The following TBC1D31 variants were observed in gnomAD, a reference collection of about 807,000 sequenced individuals.
TBC1D31 encodes the protein WD repeat domain 67.
TBC1D31 carries 99 observed loss-of-function variants against 132.9 expected under a neutral mutation model. The ratio of observed to expected loss-of-function variants is 0.74; its 90% CI spans 0.63 to 0.88. The LOEUF is 0.88. TBC1D31 is among the 40% of genes least tolerant of loss of function. The pLI, the probability that TBC1D31 is intolerant of heterozygous loss-of-function variation, is 0.00. For missense variants in TBC1D31, 1,134 were observed against 1,256.6 expected (o/e 0.90, Z 1.48); for synonymous variants, 385 against 419.4 (o/e 0.92, Z 1.00).
the TBC1D31 span, among the ~76,000 whole-genome samples, chr8:123,158,442 T>TGTGTG: frequency 2.0e-5 from 3 of 150,474 alleles, no homozygotes; most frequent in Admixed American, 2.0e-4. Flanking sequence ...CTGGGGAGAG[T>TGTGTG]GTGTGGACGC....
intron 4 of TBC1D31, among the ~76,000 whole-genome samples, chr8:123,091,394 T>C (rs1056102431): frequency 2.0e-5 from 3 of 152,242 alleles, no homozygotes; most frequent in African/African-American, 7.2e-5. Context: ...AATAATTTTC[T>C]TAAGTCACTT....
Position 123,082,794 on chromosome 8 carries a change from A to T in TBC1D31, c.317A>T (p.Tyr106Phe). The T allele has an allele frequency of 6.2e-7, 1 of 1,611,742 alleles. No individual in the cohort carries two copies. Among genetic ancestry groups the T allele is most frequent in the Non-Finnish European group, 8.5e-7 (1 of 1,178,602 alleles). Residue 106 changes from tyrosine (Y) to phenylalanine (F), a missense_variant, in exon 3 of 22, where the codon TAT becomes TTT. Tyr to Phe is a conservative substitution (Grantham distance 22). Coordinates refer to ENST00000287380, the MANE Select transcript of TBC1D31 (RefSeq NM_145647.4). ...GAATTCCTTGTGGCATTAGCTGATTATTCTATTAAATGTTTTGATACAGGT... is the reference window on the plus strand; with the variant it reads ...GAATTCCTTGTGGCATTAGCTGATTTTTCTATTAAATGTTTTGATACAGGT... The part of the protein sequence containing the change: ...KSEFLVALAD[Y>F]SIKCFDTVTK...
chr8:123,073,930 C>T (rs922491784), intron 1 of TBC1D31, among the ~76,000 whole-genome samples: 2 of 152,132 alleles, frequency 1.3e-5, no homozygotes, highest in South Asian at 2.1e-4. Context: ...AGGTGATCCG[C>T]CTGTCTCAGT....
In TBC1D31 at chr8:123,084,403, T is replaced by A. The variant is rs540159401; in HGVS notation, c.519+63T>A. On this transcript the variant is annotated intron_variant, in intron 4 of 21. Coordinates refer to ENST00000287380, the MANE Select transcript of TBC1D31 (RefSeq NM_145647.4). Reference sequence around the variant, plus strand: ...CGGGCTAATTTCTTGGTCAACAGGATGTATAGATGATATAAGAGTAATGAT... The same window carrying A: ...CGGGCTAATTTCTTGGTCAACAGGAAGTATAGATGATATAAGAGTAATGAT... 1,282 of 1,454,194 alleles carry A rather than the reference T, an allele frequency of 8.8e-4. 2 individuals carry two copies. Among genetic ancestry groups the A allele is most frequent in the Non-Finnish European group, 1.1e-3 (1,152 of 1,049,354 alleles). 90.1% of individuals were successfully genotyped at this position (1,454,194 alleles called of 1,614,324 possible). A position where few individuals can be genotyped will look rare whatever the true frequency, so the allele number is the denominator to read the frequency against.
intron 5 of TBC1D31, among the ~76,000 whole-genome samples, chr8:123,094,589 G>C (rs71514797): frequency 0.047 from 7,048 of 151,504 alleles, 252 homozygotes; most frequent in Admixed American, 0.1. Flanking sequence ...CCCCAGGCTG[G>C]AGTGCAATGG....
intron 6 of TBC1D31, among the ~76,000 whole-genome samples, chr8:123,098,351 G>A (rs1228269569): frequency 1.3e-5 from 2 of 152,134 alleles, no homozygotes; most frequent in Non-Finnish European, 2.9e-5. Context: ...TCCCAGGCTG[G>A]AGTGCAGTGG....
rs80097545 is a variant in TBC1D31 at position 123,118,248 on chromosome 8, T to C, written c.1437-1807T>C. Among the ~76,000 whole-genome samples, 685 of 120,884 alleles carry C rather than the reference T, an allele frequency of 5.7e-3. 5 individuals carry two copies. Among genetic ancestry groups the C allele is most frequent in the African/African-American group, 0.021 (647 of 30,176 alleles). The allele number at this position is 120,884 out of a possible 152,430, so 79.3% of individuals were successfully genotyped here. On this transcript the variant is annotated intron_variant, in intron 10 of 21. Coordinates refer to ENST00000287380, the MANE Select transcript of TBC1D31 (RefSeq NM_145647.4). Reference sequence around the variant, plus strand: ...AACGGTAAAATCTGAGTAAAGTCCATAATTTAGTGAATAGCATGTGCCAGT... The same window carrying C: ...AACGGTAAAATCTGAGTAAAGTCCACAATTTAGTGAATAGCATGTGCCAGT...
At chr8:123,073,411 C>A in intron 1 of TBC1D31, 1 of 456,256 alleles carries the variant, frequency 2.2e-6, no homozygotes, top group Non-Finnish European at 4.4e-6. Flanking sequence ...TTCCGGTTCT[C>A]TGGAGTTTAC....
intron 1 of TBC1D31, among the ~76,000 whole-genome samples, chr8:123,076,345 T>C (rs1814513392): frequency 2.4e-5 from 2 of 81,788 alleles, no homozygotes; most frequent in Non-Finnish European, 6.1e-5. Flanking sequence ...TGTATGTGTG[T>C]GTGTGTGTGT....
At chr8:123,152,277 C>A (rs953577033), downstream of TBC1D31, 8 of 162,950 alleles carry the variant, frequency 4.9e-5, no homozygotes, top group Non-Finnish European at 1.1e-4. Context: ...GCTCTATAGC[C>A]TGGACTGAGG....
At chr8:123,157,301 G>A in the TBC1D31 span, among the ~76,000 whole-genome samples, 2 of 152,280 alleles carry the variant, frequency 1.3e-5, no homozygotes, top group African/African-American at 4.8e-5. Context: ...CGCTAACGAG[G>A]CACCTAGTAA....
chr8:123,146,205 C>A (rs1822196836), intron 20 of TBC1D31, among the ~76,000 whole-genome samples: 1 of 152,182 alleles, frequency 6.6e-6, no homozygotes, highest in Non-Finnish European at 1.5e-5. Flanking sequence ...TATTCAATGT[C>A]ATTATATTAT....
intron 4 of TBC1D31, among the ~76,000 whole-genome samples, chr8:123,091,957 T>TA: frequency 6.6e-6 from 1 of 152,290 alleles, no homozygotes; most frequent in African/African-American, 2.4e-5. Context: ...TTTACTCATA[T>TA]AAAAAAATGG....
intron 15 of TBC1D31, 62 bp downstream of exon 15, chr8:123,129,280 T>C: frequency 8.4e-7 from 1 of 1,189,482 alleles, no homozygotes; most frequent in Non-Finnish European, 1.1e-6. Flanking sequence ...ATTTTTATGT[T>C]CTTTCATTTT....
At chr8:123,147,018 T>C (rs1422062334) in intron 20 of TBC1D31, among the ~76,000 whole-genome samples, 1 of 152,178 alleles carries the variant, frequency 6.6e-6, no homozygotes, top group Non-Finnish European at 1.5e-5. Flanking sequence ...TGAGATTTAG[T>C]GGTCCCAAAT....
intron 11 of TBC1D31, among the ~76,000 whole-genome samples, chr8:123,125,695 T>C (rs1819962088): frequency 6.6e-6 from 1 of 152,204 alleles, no homozygotes; most frequent in African/African-American, 2.4e-5. Context: ...TAATGTTGAT[T>C]ACATTTAATG....
chr8:123,083,233 A>T (rs1207305790), intron 3 of TBC1D31: 1 of 155,412 alleles, frequency 6.4e-6, no homozygotes, highest in Non-Finnish European at 1.4e-5. Flanking sequence ...GTGGCTGGCC[A>T]TCTGCGCCAA....
At chr8:123,102,232 T>G (rs1197979646) in intron 7 of TBC1D31, 1 of 456,574 alleles carries the variant, frequency 2.2e-6, no homozygotes, top group African/African-American at 2.0e-5. Flanking sequence ...GGTCTAACCC[T>G]TTCATTTTAC....
At chr8:123,083,900 A>T (rs1258889351) in intron 3 of TBC1D31, 1 of 366,822 alleles carries the variant, frequency 2.7e-6, no homozygotes, top group Non-Finnish European at 4.9e-6. Flanking sequence ...AGAAAGCCCA[A>T]ACTCACTAGC....
Sources: allele counts gnomAD v4.1 joint callset (sites outside exome capture counted in the v4.1 genomes callset), GRCh38; gene constraint gnomAD v4.1.1; transcripts MANE v1.5; gene names NCBI Gene and HGNC (gene_info 2026-07-23, HGNC 2026-07-21).